The following ZFYVE28 variants were observed in gnomAD, a reference collection of about 807,000 sequenced individuals.
The protein encoded by ZFYVE28 is zinc finger FYVE-type containing 28.
ZFYVE28 carries 40 observed loss-of-function variants against 82.1 expected under a neutral mutation model. That is an observed-to-expected ratio of 0.49 (90% CI 0.38 to 0.63). The LOEUF is 0.63. Among genes scored for constraint, ZFYVE28 ranks in the 30% least tolerant of loss-of-function variants. The pLI is 0.00. For synonymous variants in ZFYVE28, 612 were observed against 546.1 expected (o/e 1.12, Z -1.68); for missense variants, 1,321 against 1,242.1 (o/e 1.06, Z -0.96).
chr4:2,326,633 G>T (rs1346370801), intron 6 of ZFYVE28, among the ~76,000 whole-genome samples: 1 of 152,144 alleles, frequency 6.6e-6, no homozygotes, highest in African/African-American at 2.4e-5. Context: ...TACTTGGGTA[G>T]TATGGACATT....
In ZFYVE28 at chr4:2,304,652, G is replaced by C. The variant is rs267600129; in HGVS notation, c.1688C>G (p.Ser563Cys). The C allele has an allele frequency of 1.2e-6, 2 of 1,612,676 alleles. No individual in the cohort carries two copies. Among genetic ancestry groups the C allele is most frequent in the Non-Finnish European group, 8.5e-7 (1 of 1,179,902 alleles). Residue 563 changes from serine to cysteine, a missense_variant, in exon 8 of 13, where the codon TCC becomes TGC. Coordinates refer to ENST00000290974, the MANE Select transcript of ZFYVE28 (RefSeq NM_020972.3). ...STGATNCLLHSCVCCGSCGDS... is the reference protein window; with the variant it reads ...STGATNCLLHCCVCCGSCGDS... ...CCCGCAGCTCCCACAGCACACGCAGGAATGCAGAAGGCAGTTGGTGGCCCC... is the reference window on the plus strand; with the variant it reads ...CCCGCAGCTCCCACAGCACACGCAGCAATGCAGAAGGCAGTTGGTGGCCCC...
chr4:2,348,565 A>G (rs1173268007), intron 2 of ZFYVE28, among the ~76,000 whole-genome samples: 1 of 152,240 alleles, frequency 6.6e-6, no homozygotes, highest in Non-Finnish European at 1.5e-5. Flanking sequence ...GCGTAAAAGG[A>G]TAATGTACCA....
chr4:2,320,202 G>C lies in ZFYVE28; in HGVS notation c.771C>G (p.Phe257Leu), dbSNP rs1271707588. 6.2e-7 allele frequency: 1 copy of C among 1,614,016 alleles called. No individual in the cohort carries two copies. The highest frequency in any genetic ancestry group is 2.2e-5 in the East Asian group (1 of 44,882). The change falls in exon 7 of 13, where the codon TTC becomes TTG. Residue 257 changes from phenylalanine to leucine, a missense_variant. Physicochemically the swap from Phe to Leu is conservative, Grantham distance 22. Transcript: ENST00000290974. This position sits in a 1 kb window ranked among gnomAD's most constrained non-coding sequence, Gnocchi z 5.1. The stretch of plus-strand genomic sequence containing the variant: ...TCCGCAGCAACGTGTGGAAGGGCCG[G>C]AACAGCTCGGACATGTCTTCCACCT... ...DRKVEDMSEL[F>L]RPFHTLLRKI... is the part of the protein sequence containing the mutation.
chr4:2,383,456 A>G (rs552862565), intron 1 of ZFYVE28, among the ~76,000 whole-genome samples: 37 of 152,232 alleles, frequency 2.4e-4, no homozygotes, highest in Non-Finnish European at 4.3e-4. Context: ...ACGTGGAACT[A>G]CAAGTCTAAT....
intron 1 of ZFYVE28, among the ~76,000 whole-genome samples, chr4:2,399,542 C>T (rs1338457646): frequency 6.6e-6 from 1 of 152,324 alleles, no homozygotes; most frequent in South Asian, 2.1e-4. Context: ...TGCCAAGTCC[C>T]AAGCTCAAAG....
intron 1 of ZFYVE28, among the ~76,000 whole-genome samples, chr4:2,396,261 G>A (rs7691735): frequency 0.19 from 1,998 of 10,290 alleles, 575 homozygotes; most frequent in African/African-American, 0.39. Context: ...CAGCCATCCT[G>A]CAGAGGGGCC....
intron 7 of ZFYVE28, among the ~76,000 whole-genome samples, chr4:2,306,273 G>C (rs1716554507): frequency 6.6e-6 from 1 of 152,246 alleles, no homozygotes; most frequent in Non-Finnish European, 1.5e-5. Context: ...AGAAGCTCCG[G>C]GTGTGTCTGT....
At chr4:2,370,468 G>T (rs1368095493) in intron 1 of ZFYVE28, among the ~76,000 whole-genome samples, 3 of 152,162 alleles carry the variant, frequency 2.0e-5, no homozygotes, top group African/African-American at 7.2e-5. Context: ...GATTCCCTAA[G>T]TGCCCCCAGT....
chr4:2,382,677 C>T (rs1728848281), intron 1 of ZFYVE28, among the ~76,000 whole-genome samples: 1 of 152,134 alleles, frequency 6.6e-6, no homozygotes. Context: ...GGGTACTTGC[C>T]TTGTCTTAGA....
intron 1 of ZFYVE28, among the ~76,000 whole-genome samples, chr4:2,368,692 C>T (rs564523182): frequency 6.6e-6 from 1 of 152,344 alleles, no homozygotes; most frequent in East Asian, 1.9e-4. Flanking sequence ...TGTGGATGGA[C>T]AGACCACATT....
Position 2,339,350 on chromosome 4 carries a change from T to C in ZFYVE28, c.521+103A>G, listed in dbSNP as rs966393687. Reference sequence around the variant, plus strand: ...GCCCTGAACCTGCCTGGCTCCTCCCTCTGTGGAATTTTCCAGCTTGAAGTA... The same window carrying C: ...GCCCTGAACCTGCCTGGCTCCTCCCCCTGTGGAATTTTCCAGCTTGAAGTA... On this transcript the variant is annotated intron_variant, in intron 4 of 12. Transcript: ENST00000290974. This position sits in a 1 kb window ranked among gnomAD's most constrained non-coding sequence, Gnocchi z 5.0. The C allele has an allele frequency of 1.5e-6, 2 of 1,363,986 alleles. No homozygotes were observed. Among genetic ancestry groups the C allele is most frequent in the Non-Finnish European group, 1.0e-6 (1 of 995,448 alleles). The allele number at this position is 1,363,986 out of a possible 1,614,324, so 84.5% of individuals were successfully genotyped here.
rs376447272 is a variant in ZFYVE28, at chr4:2,341,337, C to T, written c.318+141G>A. 1 of 1,212,766 alleles carries T rather than the reference C, an allele frequency of 8.2e-7. No individual in the cohort carries two copies. The highest frequency in any genetic ancestry group is 1.2e-6 in the Non-Finnish European group (1 of 862,994). 75.1% of individuals were successfully genotyped at this position (1,212,766 alleles called of 1,614,324 possible). A position where few individuals can be genotyped will look rare whatever the true frequency, so the allele number is the denominator to read the frequency against. On this transcript the variant is annotated intron_variant, in intron 3 of 12. Coordinates refer to ENST00000290974, the MANE Select transcript of ZFYVE28 (RefSeq NM_020972.3). This position sits in a 1 kb window ranked among gnomAD's most constrained non-coding sequence, Gnocchi z 4.5. ...CACGGCCTACCAGGCTCAGACCACACCACGTAACCCAGAGTGGACGGAGCT... is the reference window on the plus strand; with the variant it reads ...CACGGCCTACCAGGCTCAGACCACATCACGTAACCCAGAGTGGACGGAGCT...
chr4:2,274,959 T>C (rs568948923), intron 8 of ZFYVE28, among the ~76,000 whole-genome samples: 68 of 152,324 alleles, frequency 4.5e-4, no homozygotes, highest in African/African-American at 1.6e-3. Flanking sequence ...TGCGAGACAG[T>C]TTCCAGGGCT....
At chr4:2,317,188 A>G (rs1718352735) in intron 7 of ZFYVE28, among the ~76,000 whole-genome samples, 2 of 149,786 alleles carry the variant, frequency 1.3e-5, no homozygotes, top group Admixed American at 6.6e-5. Flanking sequence ...GGGTTTTGCC[A>G]TGTTGGCTGG....
At chr4:2,414,280 C>T (rs1017573068) in intron 1 of ZFYVE28, among the ~76,000 whole-genome samples, 5 of 152,228 alleles carry the variant, frequency 3.3e-5, no homozygotes, top group African/African-American at 1.2e-4. Context: ...TCCCACAAAA[C>T]ATGCCAGTGG....
At chr4:2,279,872 G>A (rs542433090) in intron 8 of ZFYVE28, among the ~76,000 whole-genome samples, 4 of 152,252 alleles carry the variant, frequency 2.6e-5, no homozygotes, top group Admixed American at 6.5e-5. Flanking sequence ...AAGCAGAACC[G>A]TGGTCGCAAC....
At chr4:2,284,023 G>A (rs533187940) in intron 8 of ZFYVE28, among the ~76,000 whole-genome samples, 3 of 152,190 alleles carry the variant, frequency 2.0e-5, no homozygotes. Flanking sequence ...TCCACAGAAC[G>A]CAATTCCCTG....
chr4:2,274,258 A>G lies in ZFYVE28; in HGVS notation c.2052-42T>C, dbSNP rs749883156. 5 of 1,594,624 alleles carry G rather than the reference A, an allele frequency of 3.1e-6. No homozygotes were observed. In the African/African-American group the frequency reaches 5.4e-5, roughly 17 times the overall value. On this transcript the variant is annotated intron_variant, in intron 8 of 12. Coordinates refer to ENST00000290974, the MANE Select transcript of ZFYVE28 (RefSeq NM_020972.3). ...ATACCGGTGTGTGGGGTGGGGCATGATAAGGGGCCGTGGAGCCCGAAGGTC... is the reference window on the plus strand; with the variant it reads ...ATACCGGTGTGTGGGGTGGGGCATGGTAAGGGGCCGTGGAGCCCGAAGGTC...
chr4:2,308,180 T>G (rs184797610), intron 7 of ZFYVE28, among the ~76,000 whole-genome samples: 2 of 152,204 alleles, frequency 1.3e-5, no homozygotes, highest in African/African-American at 4.8e-5. Context: ...AGTTCAGTGA[T>G]GTAAACACAG....
Sources: gnomAD v4.1 joint callset for allele counts (sites outside exome capture counted in the v4.1 genomes callset) on GRCh38, gnomAD v4.1.1 for gene constraint, Gnocchi (gnomAD v3.1) non-coding constraint, MANE v1.5 for transcripts, NCBI Gene and HGNC (gene_info 2026-07-23, HGNC 2026-07-21) for gene names.